HCN2: variants seen among roughly 807,000 people sequenced by gnomAD.
HCN2 encodes hyperpolarization activated cyclic nucleotide gated potassium and sodium channel 2, also known as potassium/sodium hyperpolarization-activated cyclic nucleotide-gated channel 2.
In HCN2, 20 loss-of-function variants were observed where a neutral mutation model predicts 52.3. That is an observed-to-expected ratio of 0.38 (90% CI 0.27 to 0.56). The LOEUF (loss-of-function observed/expected upper bound fraction) is 0.56, where lower values mean the gene tolerates loss of function less well. HCN2 is among the 20% of genes least tolerant of loss of function. The pLI is 0.71. For missense variants in HCN2, 981 were observed against 1,207.7 expected (o/e 0.81, Z 2.78); for synonymous variants, 694 against 537.0 (o/e 1.29, Z -4.04).
intron 1 of HCN2, among the ~76,000 whole-genome samples, chr19:594,246 T>A (rs1327782522): frequency 6.6e-6 from 1 of 151,978 alleles, no homozygotes; most frequent in East Asian, 1.9e-4. Context: ...TGGGCAGACC[T>A]GGCGGGGTGG....
rs138697623 is a variant in HCN2, at chr19:609,630, G to A, written c.1438-629G>A. Among the ~76,000 whole-genome samples, 62 of 152,370 alleles carry A rather than the reference G, an allele frequency of 4.1e-4. 2 individuals are homozygous for A. In the South Asian group the frequency reaches 0.012, roughly 29 times the overall value. Reference sequence around the variant, plus strand: ...AAAATTAAAAAATTAGCAGGGCAGGGTGGTGCACACCTGTAATCCCCACTA... The same window carrying A: ...AAAATTAAAAAATTAGCAGGGCAGGATGGTGCACACCTGTAATCCCCACTA... On this transcript the variant is annotated intron_variant, in intron 4 of 7. Coordinates refer to ENST00000251287, the MANE Select transcript of HCN2 (RefSeq NM_001194.4).
intron 5 of HCN2, among the ~76,000 whole-genome samples, chr19:612,167 A>T (rs1053916553): frequency 1.6e-4 from 24 of 151,988 alleles, no homozygotes; most frequent in African/African-American, 5.6e-4. Flanking sequence ...AGTACCAAAA[A>T]GTGCCCCAGG....
intron 2 of HCN2, among the ~76,000 whole-genome samples, chr19:604,652 A>G (rs1182689485): frequency 1.2e-5 from 1 of 80,982 alleles, no homozygotes; most frequent in Non-Finnish European, 2.5e-5. Context: ...GGGCGGGACT[A>G]TGAGGGTTGT....
chr19:594,326 G>A (rs886149095), intron 1 of HCN2, among the ~76,000 whole-genome samples: 7 of 152,190 alleles, frequency 4.6e-5, no homozygotes, highest in African/African-American at 1.7e-4. Flanking sequence ...CGGGTGGAGA[G>A]AGGCTGGCGG....
In HCN2 at chr19:590,614, C is replaced by A; in HGVS notation, c.632+37C>A. ...GGGAGGGCCGGTCGGCGCGAGGGGG[C>A]CCGGGGAGCCGGGCGCGCGGGGAGC... is the stretch of plus-strand genomic sequence containing the variant. On this transcript the variant is annotated intron_variant, in intron 1 of 7. Coordinates refer to ENST00000251287, the MANE Select transcript of HCN2 (RefSeq NM_001194.4). This position sits in a 1 kb window ranked among gnomAD's most constrained non-coding sequence, Gnocchi z 7.2. 1 of 1,315,292 alleles carries A rather than the reference C, an allele frequency of 7.6e-7. No individual in the cohort carries two copies. Among genetic ancestry groups the A allele is most frequent in the South Asian group, 2.2e-5 (1 of 45,744 alleles). 81.5% of individuals were successfully genotyped at this position (1,315,292 alleles called of 1,614,324 possible).
intron 7 of HCN2, among the ~76,000 whole-genome samples, chr19:614,728 G>A (rs1300439986): frequency 2.0e-5 from 3 of 152,150 alleles, no homozygotes; most frequent in African/African-American, 7.2e-5. Flanking sequence ...GCCATGGAGG[G>A]TTCTAGGTGG....
At chr19:610,495 G>A (rs1356456041) in intron 5 of HCN2, 90 bp downstream of exon 5, 5 of 1,183,918 alleles carry the variant, frequency 4.2e-6, no homozygotes, top group Admixed American at 3.7e-5. Context: ...CCTGAGGGAG[G>A]CGAGGTGCCT....
At chr19:602,576 C>T (rs1983243007) in intron 1 of HCN2, among the ~76,000 whole-genome samples, 1 of 152,226 alleles carries the variant, frequency 6.6e-6, no homozygotes, top group African/African-American at 2.4e-5. Flanking sequence ...TCATTTCCCA[C>T]CCTGGCTTCC....
At chr19:607,909 G>A (rs1164751779) in intron 3 of HCN2, 55 bp from the exon 4 acceptor site, 1 of 1,422,152 alleles carries the variant, frequency 7.0e-7, no homozygotes, top group Non-Finnish European at 9.7e-7. Context: ...TGAGGACCGA[G>A]GGCTCCTGGG....
intron 1 of HCN2, among the ~76,000 whole-genome samples, chr19:601,517 C>T (rs528079410): frequency 6.7e-6 from 1 of 148,782 alleles, no homozygotes; most frequent in Non-Finnish European, 1.5e-5. Context: ...CTGGTGTGAA[C>T]ACAGCGGAGT....
At position 616,983 on chromosome 19, in the gene HCN2, C is replaced by T. The variant is rs1266260213; in HGVS notation, c.*509C>T. On this transcript the variant is annotated 3_prime_UTR_variant, in exon 8 of 8. Transcript: ENST00000251287. ...CGGGGAGCAGCACCCCGCCTCCCTCCAGCACTGGCACCGAGAGGCAGGCCT... is the reference window on the plus strand; with the variant it reads ...CGGGGAGCAGCACCCCGCCTCCCTCTAGCACTGGCACCGAGAGGCAGGCCT... The T allele has an allele frequency of 3.7e-5, 18 of 485,776 alleles. No individual in the cohort carries two copies. Among genetic ancestry groups the T allele is most frequent in the Non-Finnish European group, 6.4e-5 (17 of 265,066 alleles). 30.1% of individuals were successfully genotyped at this position (485,776 alleles called of 1,614,324 possible).
Position 616,350 on chromosome 19 carries a change from G to A in HCN2, c.2546G>A (p.Gly849Glu), listed in dbSNP as rs959310355. ...RPASSSTPRL[G>E]PTPAARAAAP... ...GCCAGCAGCTCCACACCGCGCTTGG[G>A]GCCCACGCCCGCTGCCCGGGCCGCC... Residue 849 changes from glycine (G) to glutamate (E), a missense_variant, in exon 8 of 8, where the codon GGG (glycine) becomes GAG (glutamate). By Grantham distance (98) the Gly-to-Glu change is moderately conservative. Coordinates refer to ENST00000251287, the MANE Select transcript of HCN2 (RefSeq NM_001194.4). 2 of 1,210,004 alleles carry A rather than the reference G, an allele frequency of 1.7e-6. No individual in the cohort carries two copies. The highest frequency in any genetic ancestry group is 2.1e-6 in the Non-Finnish European group (2 of 962,094). 75.0% of individuals were successfully genotyped at this position (1,210,004 alleles called of 1,614,324 possible).
rs1027767316 is a variant in HCN2 at position 617,014 on chromosome 19, C to G, written c.*540C>G. On this transcript the variant is annotated 3_prime_UTR_variant, in exon 8 of 8. Transcript: ENST00000251287. Reference sequence around the variant, plus strand: ...TGGCACCGAGAGGCAGGCCTGGCTGCGCAGGGCGCGGGGGGGAGGCTGGGG... The same window carrying G: ...TGGCACCGAGAGGCAGGCCTGGCTGGGCAGGGCGCGGGGGGGAGGCTGGGG... 9.4e-5 allele frequency: 47 copies of G among 501,312 alleles called. No individual in the cohort carries two copies. In the East Asian group the frequency reaches 1.6e-3, roughly 17 times the overall value. 31.1% of individuals were successfully genotyped at this position (501,312 alleles called of 1,614,324 possible).
intron 3 of HCN2, among the ~76,000 whole-genome samples, chr19:607,168 T>C (rs1983453583): frequency 6.6e-6 from 1 of 152,136 alleles, no homozygotes; most frequent in Non-Finnish European, 1.5e-5. Flanking sequence ...CGAAACTCCG[T>C]CAAAAAAGAA....
rs772686541 is a variant in HCN2, at chr19:610,359, T to C, written c.1538T>C (p.Phe513Ser). The C allele has an allele frequency of 4.3e-6, 7 of 1,613,696 alleles. No homozygotes were observed. Among genetic ancestry groups the C allele is most frequent in the Non-Finnish European group, 5.9e-6 (7 of 1,179,758 alleles). Residue 513 changes from phenylalanine to serine, a missense_variant, in exon 5 of 8, where the codon TTT becomes TCT. Transcript: ENST00000251287. ...YYEHRYQGKM[F>S]DEDSILGELN... Reference sequence around the variant, plus strand: ...GAGCACCGTTACCAGGGCAAGATGTTTGACGAGGACAGCATCCTGGGCGAG... The same window carrying C: ...GAGCACCGTTACCAGGGCAAGATGTCTGACGAGGACAGCATCCTGGGCGAG...
rs889912467 is a variant in HCN2 at position 591,610 on chromosome 19, T to G, written c.632+1033T>G. 4.7e-4 allele frequency among the ~76,000 whole-genome samples: 72 copies of G among 151,632 alleles called. No individual in the cohort carries two copies. The highest frequency in any genetic ancestry group is 1.7e-3 in the African/African-American group (70 of 41,292). ...TGAGGTGGGGTGTGGAGGGTGCAGG[T>G]GGAGGGTGTAGGTGGGGCCCGCCGG... is the stretch of plus-strand genomic sequence containing the variant. On this transcript the variant is annotated intron_variant, in intron 1 of 7. Transcript: ENST00000251287. This position sits in a 1 kb window ranked among gnomAD's most constrained non-coding sequence, Gnocchi z 4.1.
At chr19:598,954 G>T (rs531801836) in intron 1 of HCN2, among the ~76,000 whole-genome samples, 1 of 152,214 alleles carries the variant, frequency 6.6e-6, no homozygotes, top group East Asian at 1.9e-4. Context: ...GGTGGTTCTT[G>T]GGGGGTGTCC....
At chr19:609,733 T>C (rs972351954) in intron 4 of HCN2, among the ~76,000 whole-genome samples, 1 of 151,600 alleles carries the variant, frequency 6.6e-6, no homozygotes, top group African/African-American at 2.4e-5. Flanking sequence ...AGACCTCATC[T>C]CCACAAAAAA....
intron 7 of HCN2, 105 bp downstream of exon 7, chr19:614,121 C>A: frequency 1.4e-6 from 1 of 740,294 alleles, no homozygotes; most frequent in Non-Finnish European, 1.9e-6. Context: ...AAGGGCGTGG[C>A]TGTGGCATCA....
Sources: gnomAD v4.1 joint callset for allele counts (sites outside exome capture counted in the v4.1 genomes callset) on GRCh38, gnomAD v4.1.1 for gene constraint, Gnocchi (gnomAD v3.1) non-coding constraint, MANE v1.5 for transcripts, NCBI Gene and HGNC (gene_info 2026-07-23, HGNC 2026-07-21) for gene names.